Variants in RNPS1 observed in about 807,000 individuals in gnomAD.
RNPS1 encodes the protein RNA-binding protein with serine-rich domain 1.
For synonymous variants in RNPS1, 147 were observed against 150.0 expected, an observed-to-expected ratio of 0.98 and a Z score of 0.15; for missense variants, 300 against 427.6, an observed-to-expected ratio of 0.70 and a Z score of 2.63.
chr16:2,265,304 G>C (rs1206644104), intron 1 of RNPS1: 2 of 152,180 alleles, frequency 1.3e-5, no homozygotes, highest in African/African-American at 4.8e-5. Context: ...CTAAAAAGCA[G>C]TAGAAGAATC....
chr16:2,261,129 CAAA>C (rs531553229), intron 6 of RNPS1, among the ~76,000 whole-genome samples: 2 of 125,216 alleles, frequency 1.6e-5, no homozygotes, highest in Non-Finnish European at 3.5e-5. Context: ...GACTCCGTCT[CAAA>C]AAAAAAAAAA....
At chr16:2,266,760 G>A in intron 1 of RNPS1, 1 of 955,034 alleles carries the variant, frequency 1.0e-6, no homozygotes. Flanking sequence ...AAATTCCTTA[G>A]TAGCCACGTC....
At position 2,264,663 on chromosome 16, in the gene RNPS1, C is replaced by T. The variant is rs377708544; in HGVS notation, c.-20G>A. ...ATCCATTCTCCCCTTCTGAGGTGTT[C>T]AAAGCAGCAATGGCGGCCTCACTTA... On this transcript the variant is annotated 5_prime_UTR_variant, in exon 2 of 8. Coordinates refer to ENST00000320225, the MANE Select transcript of RNPS1 (RefSeq NM_080594.4). 7 of 1,609,972 alleles carry T rather than the reference C, an allele frequency of 4.3e-6. No individual in the cohort carries two copies. Among genetic ancestry groups the T allele is most frequent in the Non-Finnish European group, 5.9e-6 (7 of 1,179,704 alleles).
At chr16:2,264,892 G>T in intron 1 of RNPS1, 132 bp from the exon 2 acceptor site, 3 of 631,172 alleles carry the variant, frequency 4.8e-6, no homozygotes, top group Non-Finnish European at 7.6e-6. Flanking sequence ...ACACAGTCAG[G>T]AACACATAGG....
intron 1 of RNPS1, chr16:2,267,256 G>C (rs1011926168): frequency 2.0e-6 from 2 of 985,376 alleles, no homozygotes; most frequent in Non-Finnish European, 2.4e-6. Flanking sequence ...AGAGAGAGGA[G>C]AGAACAATTA....
Position 2,263,105 on chromosome 16 carries a change from G to A in RNPS1, c.410C>T (p.Ser137Phe). 1.2e-6 allele frequency: 2 copies of A among 1,612,444 alleles called. No individual in the cohort carries two copies. Among genetic ancestry groups the A allele is most frequent in the Non-Finnish European group, 1.7e-6 (2 of 1,179,794 alleles). The change falls in exon 4 of 8, where the codon TCC (serine) becomes TTC (phenylalanine). Residue 137 changes from serine to phenylalanine, a missense_variant. Ser to Phe is a radical substitution (Grantham distance 155). Coordinates refer to ENST00000320225, the MANE Select transcript of RNPS1 (RefSeq NM_080594.4). ...SRRRHDNRRR[S>F]RSKSKPPKRD... ...GGCGCAGGGCACTCACTTGGAGCGG[G>A]AGCGCCTCCTGTTGTCGTGTCTGCG... is the stretch of plus-strand genomic sequence containing the variant.
Position 2,264,630 on chromosome 16 carries a change from C to T in RNPS1, c.14G>A (p.Gly5Glu). MDLS[G>E]VKKKSLLGVK... ...TCCTAGCAAGCTCTTCTTTTTCACT[C>T]CTGATAAATCCATTCTCCCCTTCTG... is the stretch of plus-strand genomic sequence containing the variant. Residue 5 changes from glycine (G) to glutamate (E), a missense_variant, in exon 2 of 8, where the codon GGA (glycine) becomes GAA (glutamate). By Grantham distance (98) the Gly-to-Glu change is moderately conservative. Coordinates refer to ENST00000320225, the MANE Select transcript of RNPS1 (RefSeq NM_080594.4). The T allele has an allele frequency of 6.2e-7, 1 of 1,612,774 alleles. No individual in the cohort carries two copies. Among genetic ancestry groups the T allele is most frequent in the East Asian group, 2.2e-5 (1 of 44,878 alleles).
In RNPS1 at chr16:2,263,228, C is replaced by G; in HGVS notation, c.287G>C (p.Gly96Ala). The change falls in exon 4 of 8, where the codon GGC (glycine) becomes GCC (alanine). Residue 96 changes from glycine to alanine, a missense_variant. Transcript: ENST00000320225. ...GCTGGATGCTGAGGAAGAGCTGGAG[C>G]CACTGCTTGAGCCAGTGCTGGTGCT... ...GSSTSTGSSS[G>A]SSSSSASSRS... is the part of the protein sequence containing the mutation. 1 of 1,613,518 alleles carries G rather than the reference C, an allele frequency of 6.2e-7. No homozygotes were observed. Among genetic ancestry groups the G allele is most frequent in the Admixed American group, 1.7e-5 (1 of 59,940 alleles).
chr16:2,267,417 C>T (rs2093629235), intron 1 of RNPS1: 2 of 978,168 alleles, frequency 2.0e-6, no homozygotes, highest in Admixed American at 6.1e-5. Flanking sequence ...CGTATCCGCC[C>T]CTCTGGGGTA....
At chr16:2,263,917 A>T in intron 3 of RNPS1, 3 of 316,108 alleles carry the variant, frequency 9.5e-6, no homozygotes, top group Non-Finnish European at 1.1e-5. Context: ...TTTTGTAGAG[A>T]CGAGCTCTTG....
intron 1 of RNPS1, chr16:2,267,016 C>G (rs1024352025): frequency 5.7e-6 from 2 of 352,486 alleles, no homozygotes; most frequent in African/African-American, 4.4e-5. Flanking sequence ...ATTCCAGCCC[C>G]ACCCCCCCAA....
At chr16:2,262,927 G>T in intron 4 of RNPS1, 85 bp from the exon 5 acceptor site, 2 of 1,337,064 alleles carry the variant, frequency 1.5e-6, no homozygotes, top group Non-Finnish European at 2.1e-6. Flanking sequence ...TTATCTGCTT[G>T]TGTGACAGTT....
At chr16:2,257,783 T>C (rs540907625) in intron 6 of RNPS1, 2 of 152,348 alleles carry the variant, frequency 1.3e-5, no homozygotes, top group East Asian at 1.9e-4. Flanking sequence ...TCAAGGAAAC[T>C]TTCCTAATGC....
rs1036056406 is a variant in RNPS1, at chr16:2,262,501, A to C, written c.523-70T>G. On this transcript the variant is annotated intron_variant, in intron 5 of 7. Coordinates refer to ENST00000320225, the MANE Select transcript of RNPS1 (RefSeq NM_080594.4). The stretch of plus-strand genomic sequence containing the variant: ...TCACGTCAGACGCAGAGAGCTCAGC[A>C]CATCATGACTAAAACCTCGGCAGGG... 3.9e-6 allele frequency: 6 copies of C among 1,544,554 alleles called. No individual in the cohort carries two copies. The African/African-American group carries it at 5.5e-5, about 14-fold the overall frequency.
rs11556070 is a variant in RNPS1 at position 2,253,836 on chromosome 16, G to T, written c.*128C>A. On this transcript the variant is annotated 3_prime_UTR_variant, in exon 8 of 8. Coordinates refer to ENST00000320225, the MANE Select transcript of RNPS1 (RefSeq NM_080594.4). Reference sequence around the variant, plus strand: ...GGGGCCCGGCTGGCAGAGGGGTGCTGCCTGCTGCCTGCAAATCCTGCCAGA... The same window carrying T: ...GGGGCCCGGCTGGCAGAGGGGTGCTTCCTGCTGCCTGCAAATCCTGCCAGA... 2.0e-5 allele frequency: 17 copies of T among 842,086 alleles called. No homozygotes were observed. Among genetic ancestry groups the T allele is most frequent in the Non-Finnish European group, 2.0e-6 (1 of 499,622 alleles). 52.2% of individuals were successfully genotyped at this position (842,086 alleles called of 1,614,324 possible). A position where few individuals can be genotyped will look rare whatever the true frequency, so the allele number is the denominator to read the frequency against.
In RNPS1 at chr16:2,268,074, C is replaced by T. The variant is rs756465309; in HGVS notation, c.-137G>A. On this transcript the variant is annotated 5_prime_UTR_variant, in exon 1 of 8. Transcript: ENST00000320225. Reference sequence around the variant, plus strand: ...ACTTACATCTTCCCGCCGCCGCCACCTCCTCCTGCTTTCCTCAGCCGCCGA... The same window carrying T: ...ACTTACATCTTCCCGCCGCCGCCACTTCCTCCTGCTTTCCTCAGCCGCCGA... 9.0e-5 allele frequency: 138 copies of T among 1,535,246 alleles called. No individual in the cohort carries two copies. The highest frequency in any genetic ancestry group is 3.4e-4 in the Middle Eastern group (2 of 5,826).
intron 1 of RNPS1, 184 bp downstream of exon 1, chr16:2,267,871 C>T: frequency 2.0e-6 from 3 of 1,516,598 alleles, no homozygotes; most frequent in South Asian, 1.3e-5. Context: ...TTCCGGGCCA[C>T]GGCCTCGACA....
intron 1 of RNPS1, chr16:2,264,973 C>T (rs983920360): frequency 8.3e-6 from 2 of 241,342 alleles, no homozygotes; most frequent in African/African-American, 2.3e-5. Context: ...GTCGCCCCAG[C>T]GTATCTTTTT....
intron 6 of RNPS1, among the ~76,000 whole-genome samples, chr16:2,261,023 G>C (rs1335447016): frequency 1.3e-5 from 2 of 152,172 alleles, no homozygotes; most frequent in South Asian, 2.1e-4. Context: ...CCAGCTACTC[G>C]GGAGGCTGAG....
Sources: allele counts gnomAD v4.1 joint callset (sites outside exome capture counted in the v4.1 genomes callset), GRCh38; gene constraint gnomAD v4.1.1; transcripts MANE v1.5; gene names NCBI Gene and HGNC (gene_info 2026-07-23, HGNC 2026-07-21).